The following RFESD variants were observed in gnomAD, a reference collection of about 807,000 sequenced individuals.
RFESD encodes Rieske domain-containing protein.
RFESD carries 16 observed loss-of-function variants against 24.4 expected under a neutral mutation model. The ratio of observed to expected loss-of-function variants is 0.66; its 90% CI spans 0.44 to 1.00. The LOEUF (loss-of-function observed/expected upper bound fraction) is 1.00, where lower values mean the gene tolerates loss of function less well. RFESD is among the 50% of genes least tolerant of loss of function. The pLI is 0.00. For synonymous variants in RFESD, 59 were observed against 81.8 expected (o/e 0.72, Z 1.50); for missense variants, 208 against 247.0 (o/e 0.84, Z 1.06).
In RFESD at chr5:95,657,462, T is replaced by C. The variant is rs1460751165; in HGVS notation, c.*1153T>C. 6.6e-6 allele frequency: 1 copy of C among 151,818 alleles called. No homozygotes were observed. Among genetic ancestry groups the C allele is most frequent in the Non-Finnish European group, 1.5e-5 (1 of 67,954 alleles). 9.4% of individuals were successfully genotyped at this position (151,818 alleles called of 1,614,324 possible). On this transcript the variant is annotated 3_prime_UTR_variant, in exon 6 of 6. Transcript: ENST00000380005. Reference sequence around the variant, plus strand: ...ACCAGAAATAGCTAAAATGAGTAGATGATGAATTCAGAGTGAGAAGAACTG... The same window carrying C: ...ACCAGAAATAGCTAAAATGAGTAGACGATGAATTCAGAGTGAGAAGAACTG...
intron 4 of RFESD, 44 bp from the exon 5 acceptor site, chr5:95,654,289 T>G (rs1261888851): frequency 1.2e-6 from 2 of 1,609,148 alleles, no homozygotes; most frequent in South Asian, 2.2e-5. Flanking sequence ...CTATCAAAAT[T>G]TCAGTTTTTT....
At chr5:95,649,107 C>T (rs1750214592) in intron 1 of RFESD, among the ~76,000 whole-genome samples, 1 of 149,848 alleles carries the variant, frequency 6.7e-6, no homozygotes, top group African/African-American at 2.4e-5. Context: ...TAGGATACAA[C>T]TTAAATCTTG....
Position 95,656,478 on chromosome 5 carries a change from TATC to T in RFESD, c.*174_*176del, listed in dbSNP as rs3072616. 23,083 of 585,872 alleles carry T rather than the reference TATC, an allele frequency of 0.039. 670 individuals carry two copies. Among genetic ancestry groups the T allele is most frequent in the Non-Finnish European group, 0.053 (17,731 of 333,092 alleles). The allele number at this position is 585,872 out of a possible 1,614,324, so 36.3% of individuals were successfully genotyped here. A position where few individuals can be genotyped will look rare whatever the true frequency, so the allele number is the denominator to read the frequency against. On this transcript the variant is annotated 3_prime_UTR_variant, in exon 6 of 6. Coordinates refer to ENST00000380005, the MANE Select transcript of RFESD (RefSeq NM_001131066.2). Reference sequence around the variant, plus strand: ...CACATACTTAGTATGATGTAAGGATTATCATCAGGATCAATAGAATACATTTTA... The same window carrying T: ...CACATACTTAGTATGATGTAAGGATTATCAGGATCAATAGAATACATTTTA...
intron 1 of RFESD, among the ~76,000 whole-genome samples, chr5:95,649,270 C>T (rs753971865): frequency 5.3e-5 from 8 of 152,080 alleles, no homozygotes; most frequent in Non-Finnish European, 8.8e-5. Context: ...GTGATAAAAA[C>T]GGAAACATAC....
intron 5 of RFESD, chr5:95,655,514 A>G (rs1315547859): frequency 2.0e-5 from 3 of 152,862 alleles, no homozygotes; most frequent in Non-Finnish European, 4.4e-5. Flanking sequence ...AAACAGAGAG[A>G]CATGCATTGA....
At chr5:95,655,014 C>T (rs1041159052) in intron 5 of RFESD, among the ~76,000 whole-genome samples, 3 of 152,194 alleles carry the variant, frequency 2.0e-5, no homozygotes, top group African/African-American at 7.2e-5. Context: ...GATTCCAAAA[C>T]TAGTCACCTA....
In RFESD at chr5:95,655,863, G is replaced by A. The variant is rs923371332; in HGVS notation, c.370-183G>A. ...GCTCTAACTGGCTTTCTAATCAACTGTAAAAGAGCTTGATGACTCTTCTCA... is the reference window on the plus strand; with the variant it reads ...GCTCTAACTGGCTTTCTAATCAACTATAAAAGAGCTTGATGACTCTTCTCA... On this transcript the variant is annotated intron_variant, in intron 5 of 5. Transcript: ENST00000380005. 9.3e-5 allele frequency: 53 copies of A among 572,660 alleles called. 1 individual carries two copies. In the Admixed American group the frequency reaches 1.7e-3, roughly 18 times the overall value. 35.5% of individuals were successfully genotyped at this position (572,660 alleles called of 1,614,324 possible). A position where few individuals can be genotyped will look rare whatever the true frequency, so the allele number is the denominator to read the frequency against.
In RFESD at chr5:95,653,184, C is replaced by T. The variant is rs141035673; in HGVS notation, c.128C>T (p.Ala43Val). 1,504 of 1,551,746 alleles carry T rather than the reference C, an allele frequency of 9.7e-4. 18 individuals carry two copies. In the African/African-American group the frequency reaches 0.018, roughly 18 times the overall value. ...VHLHFGHFSS[A>V]VISVTSFYLS... ...TTGCATTTTGGGCATTTCAGCTCAG[C>T]TGTCATCTCAGTGACCAGTTTTTAT... The change falls in exon 3 of 6, where the codon GCT becomes GTT. Residue 43 changes from alanine to valine, a missense_variant. Physicochemically the swap from Ala to Val is moderately conservative, Grantham distance 64. Transcript: ENST00000380005.
At chr5:95,653,295 G>A (rs549221746) in intron 3 of RFESD, 81 bp downstream of exon 3, 18 of 1,530,432 alleles carry the variant, frequency 1.2e-5, no homozygotes, top group Non-Finnish European at 1.5e-5. Context: ...AGAGCCAACT[G>A]TGTACTCCAG....
chr5:95,651,871 A>C (rs1238496696), intron 1 of RFESD, among the ~76,000 whole-genome samples: 1 of 152,232 alleles, frequency 6.6e-6, no homozygotes, highest in East Asian at 1.9e-4. Context: ...GGGAAAAGAG[A>C]GTAGTAATGG....
chr5:95,654,336 C>G lies in RFESD; in HGVS notation c.338C>G (p.Ser113Ter), dbSNP rs762557156. 1 of 1,609,026 alleles carries G rather than the reference C, an allele frequency of 6.2e-7. No individual in the cohort carries two copies. The highest frequency in any genetic ancestry group is 1.3e-5 in the African/African-American group (1 of 74,888). Residue 113 changes from serine (S) to a stop codon, truncating the protein, a stop_gained, in exon 5 of 6, where the codon TCA (serine) becomes TGA (stop). Coordinates refer to ENST00000380005, the MANE Select transcript of RFESD (RefSeq NM_001131066.2). LOFTEE classifies it high-confidence loss of function. ...GTAATATTCAATTCCTTTTCAGACT[C>G]AGGAGGACCTTTACATTTGGGAGAT... ...YHAMDIRCYH[S>*]GGPLHLGDIE...
Position 95,656,026 on chromosome 5 carries a change from TGA to T in RFESD, c.370-18_370-17del, listed in dbSNP as rs768663626. The T allele has an allele frequency of 6.2e-7, 1 of 1,605,786 alleles. No homozygotes were observed. Among genetic ancestry groups the T allele is most frequent in the South Asian group, 1.1e-5 (1 of 90,026 alleles). On this transcript the variant is annotated intron_variant, in intron 5 of 5. Transcript: ENST00000380005. ...ACATTTGACATGTCAGAATATTAAA[TGA>T]GTTATTCTCTTCCCCAGGATTTTGA... is the stretch of plus-strand genomic sequence containing the variant.
At chr5:95,654,488 C>A in intron 5 of RFESD, 121 bp downstream of exon 5, 1 of 707,960 alleles carries the variant, frequency 1.4e-6, no homozygotes, top group East Asian at 2.7e-5. Context: ...TCTGGGAATT[C>A]ATAAGATAAA....
chr5:95,652,378 T>C, intron 2 of RFESD, 47 bp downstream of exon 2: 1 of 1,541,660 alleles, frequency 6.5e-7, no homozygotes, highest in Non-Finnish European at 8.8e-7. Flanking sequence ...AGTTTTTCTC[T>C]CTAGAAATTC....
chr5:95,650,199 A>G (rs1476286986), intron 1 of RFESD, among the ~76,000 whole-genome samples: 3 of 152,248 alleles, frequency 2.0e-5, no homozygotes, highest in Admixed American at 6.5e-5. Flanking sequence ...TAAAAACAGC[A>G]TATGTATTAC....
rs1470583996 is a variant in RFESD at position 95,657,169 on chromosome 5, C to CT, written c.*861dup. The CT allele has an allele frequency of 1.3e-5, 2 of 152,194 alleles. No homozygotes were observed. The highest frequency in any genetic ancestry group is 2.9e-5 in the Non-Finnish European group (2 of 67,982). 9.4% of individuals were successfully genotyped at this position (152,194 alleles called of 1,614,324 possible). On this transcript the variant is annotated 3_prime_UTR_variant, in exon 6 of 6. Coordinates refer to ENST00000380005, the MANE Select transcript of RFESD (RefSeq NM_001131066.2). ...TAGAACTTTGTGAATGTAGGCACAA[C>CT]TAAGTGTCTCCTATAAATATTATAG...
rs1038598200 is a variant in RFESD at position 95,652,340 on chromosome 5, A to G, written c.60+9A>G. 2.6e-6 allele frequency: 4 copies of G among 1,550,060 alleles called. No individual in the cohort carries two copies. The highest frequency in any genetic ancestry group is 2.7e-5 in the African/African-American group (2 of 73,038). The stretch of plus-strand genomic sequence containing the variant: ...CTACACTTCCTCTCCAAGTGAGTCC[A>G]TAGAATTCTATGACCTGGAAACTCC... On this transcript the variant is annotated intron_variant, in intron 2 of 5. Coordinates refer to ENST00000380005, the MANE Select transcript of RFESD (RefSeq NM_001131066.2).
At chr5:95,651,888 T>A (rs1349233799) in intron 1 of RFESD, among the ~76,000 whole-genome samples, 2 of 152,208 alleles carry the variant, frequency 1.3e-5, no homozygotes, top group Admixed American at 6.5e-5. Context: ...ATGGTTATAT[T>A]CTGAATATAA....
intron 1 of RFESD, among the ~76,000 whole-genome samples, chr5:95,648,244 C>T (rs772655115): frequency 3.3e-5 from 5 of 152,124 alleles, no homozygotes; most frequent in African/African-American, 9.7e-5. Context: ...GGAGTTAGCA[C>T]CTTTAGAAAC....
Sources: allele counts gnomAD v4.1 joint callset (sites outside exome capture counted in the v4.1 genomes callset), GRCh38; gene constraint gnomAD v4.1.1; transcripts MANE v1.5; gene names NCBI Gene and HGNC (gene_info 2026-07-23, HGNC 2026-07-21).